Variants in SLC10A7 observed in about 807,000 individuals in gnomAD.
SLC10A7 encodes sodium/bile acid cotransporter 7.
In SLC10A7, 29 loss-of-function variants were observed where a neutral mutation model predicts 43.2. The observed-to-expected ratio is 0.67, with a 90% confidence interval of 0.50 to 0.92. SLC10A7 has a LOEUF of 0.92. Among genes scored for constraint, SLC10A7 ranks in the 40% least tolerant of loss-of-function variants. The pLI is 0.00. For missense variants in SLC10A7, 295 were observed against 403.2 expected (o/e 0.73, Z 2.30); for synonymous variants, 152 against 144.8 (o/e 1.05, Z -0.35).
chr4:146,440,775 G>A (rs909889463), intron 5 of SLC10A7, among the ~76,000 whole-genome samples: 2 of 152,056 alleles, frequency 1.3e-5, no homozygotes, highest in Non-Finnish European at 2.9e-5. Flanking sequence ...TCAACTTTAT[G>A]TAAGAAAAAG....
chr4:146,291,193 T>C (rs1301421708), intron 9 of SLC10A7, among the ~76,000 whole-genome samples: 1 of 152,184 alleles, frequency 6.6e-6, no homozygotes, highest in South Asian at 2.1e-4. Flanking sequence ...CAAACTGCCA[T>C]TGAAAGGCAA....
intron 4 of SLC10A7, among the ~76,000 whole-genome samples, chr4:146,472,730 G>C (rs560610396): frequency 6.6e-6 from 1 of 152,158 alleles, no homozygotes; most frequent in Admixed American, 6.5e-5. Flanking sequence ...GCCAAGCAGT[G>C]GTGCCCAATT....
chr4:146,495,573 A>G (rs1396030076), intron 4 of SLC10A7, among the ~76,000 whole-genome samples: 1 of 152,192 alleles, frequency 6.6e-6, no homozygotes, highest in African/African-American at 2.4e-5. Flanking sequence ...TCATAGCTAT[A>G]CTTTGAAAGT....
intron 5 of SLC10A7, among the ~76,000 whole-genome samples, chr4:146,393,741 A>C (rs1477410488): frequency 1.3e-5 from 2 of 152,236 alleles, no homozygotes; most frequent in African/African-American, 4.8e-5. Flanking sequence ...TGAAATTGGG[A>C]TAAATTATTA....
chr4:146,312,025 A>G (rs954277701), intron 6 of SLC10A7, among the ~76,000 whole-genome samples: 11 of 152,160 alleles, frequency 7.2e-5, no homozygotes, highest in African/African-American at 2.7e-4. Flanking sequence ...AAAGACTATG[A>G]TTTTTATCAA....
chr4:146,442,565 G>T (rs1371671865), intron 5 of SLC10A7: 9 of 1,380,018 alleles, frequency 6.5e-6, no homozygotes, highest in Non-Finnish European at 6.5e-6. Flanking sequence ...TTCATTAAAT[G>T]GAATTTTAAA....
intron 5 of SLC10A7, among the ~76,000 whole-genome samples, chr4:146,387,064 A>G (rs945207174): frequency 6.6e-6 from 1 of 152,228 alleles, no homozygotes; most frequent in African/African-American, 2.4e-5. Flanking sequence ...AATTTAATGC[A>G]AATTAAAATC....
intron 5 of SLC10A7, among the ~76,000 whole-genome samples, chr4:146,437,494 G>A (rs1052661543): frequency 2.0e-5 from 3 of 151,988 alleles, no homozygotes; most frequent in African/African-American, 7.2e-5. Flanking sequence ...TGGCATTTAA[G>A]TTTAATGAAA....
At chr4:146,503,987 T>C in intron 3 of SLC10A7, 63 bp from the exon 4 acceptor site, 2 of 1,350,600 alleles carry the variant, frequency 1.5e-6, no homozygotes, top group Non-Finnish European at 2.1e-6. Flanking sequence ...TTTCACTACA[T>C]TCATTCTAAA....
At chr4:146,287,643 C>A (rs1286404865) in intron 9 of SLC10A7, among the ~76,000 whole-genome samples, 2 of 152,164 alleles carry the variant, frequency 1.3e-5, no homozygotes, top group Non-Finnish European at 2.9e-5. Context: ...AATAAAAAAA[C>A]TTCCATGCAG....
chr4:146,512,081 C>T (rs539428470), intron 2 of SLC10A7, among the ~76,000 whole-genome samples: 56 of 139,556 alleles, frequency 4.0e-4, no homozygotes, highest in African/African-American at 1.2e-3. Flanking sequence ...TCAAGCGATT[C>T]TCCTGCCTCC....
intron 6 of SLC10A7, among the ~76,000 whole-genome samples, chr4:146,307,099 T>A (rs1315784352): frequency 6.6e-6 from 1 of 152,114 alleles, no homozygotes; most frequent in African/African-American, 2.4e-5. Context: ...GGGAACAGTG[T>A]TTTCACTGAT....
At chr4:146,427,833 C>CATTCAGA (rs1322581513) in intron 5 of SLC10A7, among the ~76,000 whole-genome samples, 10 of 152,080 alleles carry the variant, frequency 6.6e-5, no homozygotes, top group African/African-American at 2.4e-4. Flanking sequence ...GCTTGTTAGC[C>CATTCAGA]TGTTCTCAAA....
At chr4:146,381,962 G>C (rs572620787) in intron 5 of SLC10A7, among the ~76,000 whole-genome samples, 1 of 151,646 alleles carries the variant, frequency 6.6e-6, no homozygotes, top group African/African-American at 2.4e-5. Context: ...GTTTATAGAA[G>C]ACTACACAGA....
intron 10 of SLC10A7, among the ~76,000 whole-genome samples, chr4:146,265,438 C>T (rs1423917480): frequency 2.6e-5 from 4 of 152,194 alleles, no homozygotes; most frequent in Non-Finnish European, 5.9e-5. Flanking sequence ...GTCACCAAGG[C>T]TCAGTTTTCT....
intron 5 of SLC10A7, among the ~76,000 whole-genome samples, chr4:146,415,454 AT>A (rs1728497546): frequency 6.6e-6 from 1 of 152,194 alleles, no homozygotes; most frequent in Admixed American, 6.6e-5. Flanking sequence ...CACATACTTC[AT>A]TTAATCCCTA....
intron 5 of SLC10A7, among the ~76,000 whole-genome samples, chr4:146,349,764 T>A (rs1171468298): frequency 6.6e-6 from 1 of 152,074 alleles, no homozygotes; most frequent in Non-Finnish European, 1.5e-5. Flanking sequence ...ACATTCTCAC[T>A]TACAAGCGGA....
chr4:146,387,267 A>G (rs1375672351), intron 5 of SLC10A7, among the ~76,000 whole-genome samples: 1 of 152,226 alleles, frequency 6.6e-6, no homozygotes, highest in Non-Finnish European at 1.5e-5. Context: ...AAGATAATAC[A>G]CCACAGTCAA....
At chr4:146,292,174 G>T (rs946876326) in intron 9 of SLC10A7, among the ~76,000 whole-genome samples, 4 of 152,134 alleles carry the variant, frequency 2.6e-5, no homozygotes, top group Non-Finnish European at 5.9e-5. Context: ...AGAGTACCTT[G>T]TCCCCCAAAA....
Sources: allele counts gnomAD v4.1 joint callset (sites outside exome capture counted in the v4.1 genomes callset), GRCh38; gene constraint gnomAD v4.1.1; transcripts MANE v1.5; gene names NCBI Gene and HGNC (gene_info 2026-07-23, HGNC 2026-07-21).